Variants in LHFPL3 observed in about 807,000 individuals in gnomAD.
LHFPL3 encodes LHFPL tetraspan subfamily member 3 protein.
A neutral mutation model predicts 19.3 loss-of-function variants in LHFPL3; 5 were observed. The ratio of observed to expected loss-of-function variants is 0.26; its 90% confidence interval spans 0.14 to 0.54. The LOEUF is 0.54. Among genes scored for constraint, LHFPL3 ranks in the 20% least tolerant of loss-of-function variants. The pLI is 0.94. For synonymous variants in LHFPL3, 133 were observed against 126.2 expected (o/e 1.05, Z -0.36); for missense variants, 249 against 307.4 (o/e 0.81, Z 1.42).
intron 1 of LHFPL3, among the ~76,000 whole-genome samples, chr7:104,364,706 G>A (rs981905732): frequency 1.3e-5 from 2 of 152,248 alleles, no homozygotes; most frequent in East Asian, 3.8e-4. Flanking sequence ...AGAACACATT[G>A]TGTAACTGTG....
chr7:104,597,013 C>T (rs1158230524), intron 1 of LHFPL3, among the ~76,000 whole-genome samples: 2 of 152,204 alleles, frequency 1.3e-5, no homozygotes, highest in African/African-American at 4.8e-5. Context: ...AACACTACCT[C>T]TTCTGTTCTT....
intron 1 of LHFPL3, among the ~76,000 whole-genome samples, chr7:104,343,954 G>T (rs1197505326): frequency 6.6e-6 from 1 of 151,964 alleles, no homozygotes; most frequent in African/African-American, 2.4e-5. Context: ...TAAATGAAAT[G>T]CTTTTAATAT....
chr7:104,386,514 G>A (rs1790947142), intron 1 of LHFPL3, among the ~76,000 whole-genome samples: 1 of 152,190 alleles, frequency 6.6e-6, no homozygotes, highest in Admixed American at 6.5e-5. Context: ...CCATCCCTAA[G>A]GCTCTAGAAA....
At chr7:104,878,890 GATCT>G (rs2116677830) in intron 2 of LHFPL3, among the ~76,000 whole-genome samples, 2 of 152,268 alleles carry the variant, frequency 1.3e-5, no homozygotes, top group East Asian at 3.9e-4. Flanking sequence ...GTTATGGTTT[GATCT>G]ATCTAGACAA....
chr7:104,604,113 C>T (rs770214957), intron 1 of LHFPL3, among the ~76,000 whole-genome samples: 9 of 152,170 alleles, frequency 5.9e-5, no homozygotes, highest in Non-Finnish European at 1.3e-4. Context: ...CCAGGCTTTC[C>T]CAGACATCCT....
intron 2 of LHFPL3, among the ~76,000 whole-genome samples, chr7:104,754,066 T>C (rs1794233886): frequency 6.6e-6 from 1 of 152,080 alleles, no homozygotes; most frequent in African/African-American, 2.4e-5. Context: ...AGAGCATTAC[T>C]TGTGGTGGGG....
At chr7:104,591,803 T>A (rs1413777845) in intron 1 of LHFPL3, among the ~76,000 whole-genome samples, 1 of 152,218 alleles carries the variant, frequency 6.6e-6, no homozygotes, top group Non-Finnish European at 1.5e-5. Flanking sequence ...TCTTGGAGGC[T>A]TTGCTCATTT....
rs138466478 is a variant in LHFPL3 at position 104,549,181 on chromosome 7, G to A, written c.446-187494G>A. 1.6e-4 allele frequency among the ~76,000 whole-genome samples: 25 copies of A among 152,128 alleles called. No individual in the cohort carries two copies. In the East Asian group the frequency reaches 3.1e-3, roughly 19 times the overall value. ...AAAGTAATGGGAAAGTCCACACTCC[G>A]TGCAGTAACCAGGAGGGCTGCTGAA... On this transcript the variant is annotated intron_variant, in intron 1 of 2. Coordinates refer to ENST00000424859, the MANE Select transcript of LHFPL3 (RefSeq NM_199000.3).
intron 1 of LHFPL3, among the ~76,000 whole-genome samples, chr7:104,478,520 T>G (rs1318437355): frequency 2.0e-5 from 3 of 151,526 alleles, no homozygotes; most frequent in Non-Finnish European, 2.9e-5. Flanking sequence ...AGGGTGGGAG[T>G]GGGGAACAAG....
intron 1 of LHFPL3, among the ~76,000 whole-genome samples, chr7:104,576,929 A>G (rs1317570948): frequency 6.6e-6 from 1 of 152,170 alleles, no homozygotes; most frequent in Non-Finnish European, 1.5e-5. Context: ...CTTGTCCACA[A>G]TGAATCTGTC....
At position 104,907,795 on chromosome 7, in the gene LHFPL3, T is replaced by C. The variant is rs1792649244; in HGVS notation, c.*1580T>C. The stretch of plus-strand genomic sequence containing the variant: ...TACCCTCTCTCTGTTAGGACCACAT[T>C]CCTATTTTAGCCAAATGTTTCTGGT... On this transcript the variant is annotated 3_prime_UTR_variant, in exon 3 of 3. Coordinates refer to ENST00000424859, the MANE Select transcript of LHFPL3 (RefSeq NM_199000.3). Among the ~76,000 whole-genome samples, 1 of 152,172 alleles carries C rather than the reference T, an allele frequency of 6.6e-6. No individual in the cohort carries two copies. The highest frequency in any genetic ancestry group is 6.5e-5 in the Admixed American group (1 of 15,278).
At chr7:104,506,673 T>G (rs537532736) in intron 1 of LHFPL3, among the ~76,000 whole-genome samples, 1 of 152,332 alleles carries the variant, frequency 6.6e-6, no homozygotes, top group Admixed American at 6.5e-5. Context: ...TCTTGGATCT[T>G]CTGTGATTTG....
At chr7:104,666,485 C>T (rs183402452) in intron 1 of LHFPL3, among the ~76,000 whole-genome samples, 4 of 139,970 alleles carry the variant, frequency 2.9e-5, no homozygotes, top group South Asian at 2.4e-4. Context: ...GTTCCATTGA[C>T]GTTGCTGAAA....
At chr7:104,825,758 C>T (rs1321436183) in intron 2 of LHFPL3, among the ~76,000 whole-genome samples, 1 of 151,818 alleles carries the variant, frequency 6.6e-6, no homozygotes, top group Non-Finnish European at 1.5e-5. Context: ...ACCTTGTAAT[C>T]ATAAGATAGT....
rs192228092 is a variant in LHFPL3, at chr7:104,396,315, G to A, written c.445+67091G>A. Among the ~76,000 whole-genome samples, 56 of 152,234 alleles carry A rather than the reference G, an allele frequency of 3.7e-4. No homozygotes were observed. The East Asian group carries it at 7.3e-3, about 20-fold the overall frequency. Reference sequence around the variant, plus strand: ...AGGAGAGCAGGAAGGAGGTCAAAAGGTGAGAAATGGGGATGGCAAAAAAGG... The same window carrying A: ...AGGAGAGCAGGAAGGAGGTCAAAAGATGAGAAATGGGGATGGCAAAAAAGG... On this transcript the variant is annotated intron_variant, in intron 1 of 2. Coordinates refer to ENST00000424859, the MANE Select transcript of LHFPL3 (RefSeq NM_199000.3).
chr7:104,891,575 T>G (rs916153395), intron 2 of LHFPL3, among the ~76,000 whole-genome samples: 1 of 152,212 alleles, frequency 6.6e-6, no homozygotes, highest in Non-Finnish European at 1.5e-5. Context: ...AGAGGGGACA[T>G]TCAAACCACA....
rs57760860 is a variant in LHFPL3 at position 104,410,651 on chromosome 7, G to T, written c.445+81427G>T. On this transcript the variant is annotated intron_variant, in intron 1 of 2. Coordinates refer to ENST00000424859, the MANE Select transcript of LHFPL3 (RefSeq NM_199000.3). ...CATTTGTGAGTTATAGCACATTAAA[G>T]ATTCAAACAACATCATGCAAAAGAC... Among the ~76,000 whole-genome samples, 992 of 152,242 alleles carry T rather than the reference G, an allele frequency of 6.5e-3. 75 individuals carry two copies. The East Asian group carries it at 0.16, about 24-fold the overall frequency.
intron 1 of LHFPL3, among the ~76,000 whole-genome samples, chr7:104,478,426 TCTC>T (rs1793068584): frequency 6.6e-6 from 1 of 152,020 alleles, no homozygotes. Context: ...TTCTGTCCTT[TCTC>T]CTCTTCTCTC....
At chr7:104,520,343 G>A (rs983621027) in intron 1 of LHFPL3, among the ~76,000 whole-genome samples, 16 of 145,710 alleles carry the variant, frequency 1.1e-4, no homozygotes, top group African/African-American at 3.9e-4. Context: ...GCTGGATTCC[G>A]TTTGCCAGTA....
Sources: allele counts gnomAD v4.1 joint callset (sites outside exome capture counted in the v4.1 genomes callset), GRCh38; gene constraint gnomAD v4.1.1; transcripts MANE v1.5; gene names NCBI Gene and HGNC (gene_info 2026-07-23, HGNC 2026-07-21).